PTCD2: variants seen among roughly 807,000 people sequenced by gnomAD.
PTCD2 encodes the protein pentatricopeptide repeat-containing protein 2, mitochondrial.
In PTCD2, 31 loss-of-function variants were observed where a neutral mutation model predicts 42.6. The observed-to-expected ratio is 0.73, with a 90% CI of 0.55 to 0.98. PTCD2 has a LOEUF of 0.98. Among genes scored for constraint, PTCD2 ranks in the 50% least tolerant of loss-of-function variants. PTCD2 has a pLI of 0.00. For synonymous variants in PTCD2, 183 were observed against 170.9 expected (o/e 1.07, Z -0.55); for missense variants, 476 against 454.8 (o/e 1.05, Z -0.42).
chr5:72,327,919 G>T (rs1311162625), intron 3 of PTCD2, among the ~76,000 whole-genome samples: 1 of 152,252 alleles, frequency 6.6e-6, no homozygotes, highest in Non-Finnish European at 1.5e-5. Flanking sequence ...TATGGATTAT[G>T]TATTTTTTGT....
At chr5:72,336,476 AGTT>A (rs1005641549) in intron 6 of PTCD2, among the ~76,000 whole-genome samples, 1 of 152,202 alleles carries the variant, frequency 6.6e-6, no homozygotes, top group Non-Finnish European at 1.5e-5. Context: ...GGTATCCAGT[AGTT>A]CTTTAATAAA....
At chr5:72,351,431 C>G (rs1561395728) in intron 8 of PTCD2, among the ~76,000 whole-genome samples, 1 of 152,170 alleles carries the variant, frequency 6.6e-6, no homozygotes, top group Non-Finnish European at 1.5e-5. Flanking sequence ...GTGCCTGCAA[C>G]TTCCTAAAAA....
At chr5:72,331,397 T>C (rs1412345639) in intron 4 of PTCD2, 22 bp downstream of exon 4, 4 of 1,474,540 alleles carry the variant, frequency 2.7e-6, no homozygotes, top group Non-Finnish European at 3.8e-6. Flanking sequence ...CTAATTGTTT[T>C]CTCTGCCAAT....
At position 72,335,779 on chromosome 5, in the gene PTCD2, C is replaced by T. The variant is rs367989904; in HGVS notation, c.548-15C>T. The T allele has an allele frequency of 2.3e-4, 364 of 1,589,442 alleles. No individual in the cohort carries two copies. The highest frequency in any genetic ancestry group is 2.8e-4 in the Non-Finnish European group (324 of 1,157,652). ...AGGAACTCTAACACTGCGATCCACTCTTCACTTTTGGCAGGTGCTTTGCAA... is the reference window on the plus strand; with the variant it reads ...AGGAACTCTAACACTGCGATCCACTTTTCACTTTTGGCAGGTGCTTTGCAA... On this transcript the variant is annotated splice_polypyrimidine_tract_variant and intron_variant, in intron 5 of 9. Transcript: ENST00000380639.
At chr5:72,347,569 C>G (rs968623677) in intron 8 of PTCD2, among the ~76,000 whole-genome samples, 1 of 152,148 alleles carries the variant, frequency 6.6e-6, no homozygotes, top group Non-Finnish European at 1.5e-5. Flanking sequence ...GCCTGTAATC[C>G]TGGCTTACTT....
At chr5:72,334,469 T>G (rs1357058426) in intron 4 of PTCD2, among the ~76,000 whole-genome samples, 2 of 152,196 alleles carry the variant, frequency 1.3e-5, no homozygotes, top group African/African-American at 4.8e-5. Context: ...ACGTCCTTCA[T>G]GGTAATTATG....
At chr5:72,339,349 G>A (rs1371607258) in intron 7 of PTCD2, among the ~76,000 whole-genome samples, 3 of 152,168 alleles carry the variant, frequency 2.0e-5, no homozygotes, top group Non-Finnish European at 2.9e-5. Flanking sequence ...TAAAAAATAT[G>A]AAATGCTTTA....
In PTCD2 at chr5:72,321,551, C is replaced by T. The variant is rs565681094; in HGVS notation, c.128-621C>T. On this transcript the variant is annotated intron_variant, in intron 1 of 9. Coordinates refer to ENST00000380639, the MANE Select transcript of PTCD2 (RefSeq NM_024754.5). ...AGAACTCTGTTAGTGCGTGATTCTT[C>T]GGCCACGCTTGGTCCGTTTTATCTC... Among the ~76,000 whole-genome samples the T allele has an allele frequency of 2.6e-5, 4 of 152,320 alleles. No homozygotes were observed. In the South Asian group the frequency reaches 6.2e-4, roughly 24 times the overall value.
In PTCD2 at chr5:72,326,730, T is replaced by C; in HGVS notation, c.339T>C (p.Asn113=). 1.2e-6 allele frequency: 2 copies of C among 1,614,008 alleles called. No individual in the cohort carries two copies. Among genetic ancestry groups the C allele is most frequent in the South Asian group, 1.1e-5 (1 of 91,058 alleles). ...GGGACCATGTGGAACTGGCTAAAAA[T>C]GTCATTTACAGGTGAGGCATTTCCT... The part of the protein sequence containing the change: ...ESRDHVELAK[N]VIYRYHAENK... Residue 113 remains asparagine (N), a synonymous_variant, in exon 3 of 10, where the codon AAT becomes AAC. Transcript: ENST00000380639.
intron 2 of PTCD2, among the ~76,000 whole-genome samples, chr5:72,323,128 T>A (rs145006075): frequency 2.6e-5 from 4 of 152,164 alleles, no homozygotes; most frequent in African/African-American, 9.6e-5. Context: ...CCAACCTGTG[T>A]AACAGAGTGA....
At chr5:72,323,847 CTG>C (rs1750994807) in intron 2 of PTCD2, among the ~76,000 whole-genome samples, 1 of 152,022 alleles carries the variant, frequency 6.6e-6, no homozygotes, top group Non-Finnish European at 1.5e-5. Flanking sequence ...GATGGTCTCA[CTG>C]TGTTGAGGCT....
rs73102472 is a variant in PTCD2, at chr5:72,367,125, C to G, written c.*8698C>G. 1 of 152,198 alleles carries G rather than the reference C, an allele frequency of 6.6e-6. No homozygotes were observed. Among genetic ancestry groups the G allele is most frequent in the African/African-American group, 2.4e-5 (1 of 41,440 alleles). 9.4% of individuals were successfully genotyped at this position (152,198 alleles called of 1,614,324 possible). A position where few individuals can be genotyped will look rare whatever the true frequency, so the allele number is the denominator to read the frequency against. ...CTGCCATCATCAGGAATGACTAAAT[C>G]TTGGAGCGTTCTCCATTTAAGTGAG... On this transcript the variant is annotated 3_prime_UTR_variant, in exon 10 of 10. Transcript: ENST00000380639.
At chr5:72,323,611 A>T (rs1246358215) in intron 2 of PTCD2, among the ~76,000 whole-genome samples, 1 of 151,612 alleles carries the variant, frequency 6.6e-6, no homozygotes, top group Non-Finnish European at 1.5e-5. Flanking sequence ...TCACTGCCAG[A>T]TGTTTGTGAG....
intron 7 of PTCD2, 45 bp downstream of exon 7, chr5:72,338,780 C>A: frequency 9.6e-7 from 1 of 1,043,692 alleles, no homozygotes; most frequent in Non-Finnish European, 1.5e-6. Context: ...GTGGCCAGGA[C>A]TTCATTACTT....
At chr5:72,352,451 T>A (rs1752668626) in intron 8 of PTCD2, among the ~76,000 whole-genome samples, 190 bp from the exon 9 acceptor site, 1 of 152,202 alleles carries the variant, frequency 6.6e-6, no homozygotes, top group African/African-American at 2.4e-5. Context: ...GATTAACTAT[T>A]GGAAAGCACA....
At chr5:72,322,051 T>C (rs1750885706) in intron 1 of PTCD2, 121 bp from the exon 2 acceptor site, 1 of 604,114 alleles carries the variant, frequency 1.7e-6, no homozygotes, top group African/African-American at 1.8e-5. Flanking sequence ...ACAGTTATAT[T>C]TGTACCTGTC....
rs760716384 is a variant in PTCD2, at chr5:72,326,749, A to G, written c.350+8A>G. 6.2e-7 allele frequency: 1 copy of G among 1,613,250 alleles called. No homozygotes were observed. The highest frequency in any genetic ancestry group is 2.2e-5 in the East Asian group (1 of 44,858). On this transcript the variant is annotated splice_region_variant and intron_variant, in intron 3 of 9. Transcript: ENST00000380639. The stretch of plus-strand genomic sequence containing the variant: ...TAAAAATGTCATTTACAGGTGAGGC[A>G]TTTCCTTAGAATGTTGCCACCCTTA...
At chr5:72,357,438 T>A (rs972860497) in intron 9 of PTCD2, among the ~76,000 whole-genome samples, 2 of 152,250 alleles carry the variant, frequency 1.3e-5, no homozygotes, top group African/African-American at 2.4e-5. Flanking sequence ...TGGGCTATGG[T>A]GTGGGCCTCC....
chr5:72,337,693 T>G (rs1236502502), intron 6 of PTCD2, among the ~76,000 whole-genome samples: 2 of 152,162 alleles, frequency 1.3e-5, no homozygotes, highest in Non-Finnish European at 2.9e-5. Context: ...CTTTGGAGGC[T>G]GAGGCAGGAG....
Sources: allele counts gnomAD v4.1 joint callset (sites outside exome capture counted in the v4.1 genomes callset), GRCh38; gene constraint gnomAD v4.1.1; transcripts MANE v1.5; gene names NCBI Gene and HGNC (gene_info 2026-07-23, HGNC 2026-07-21).